The following PCDH15 variants were observed in gnomAD, a reference collection of about 807,000 sequenced individuals.
The protein encoded by PCDH15 is protocadherin-15.
Under a neutral mutation model 178.5 loss-of-function variants are expected in PCDH15, and 129 were observed. The observed-to-expected ratio is 0.72, with a 90% CI of 0.63 to 0.84. The LOEUF is 0.84. Among genes scored for constraint, PCDH15 ranks in the 40% least tolerant of loss-of-function variants. PCDH15 has a pLI of 0.00. For synonymous variants in PCDH15, 800 were observed against 732.0 expected, an observed-to-expected ratio of 1.09 and a Z score of -1.50; for missense variants, 2,230 against 2,099.9, an observed-to-expected ratio of 1.06 and a Z score of -1.21.
chr10:54,027,893 T>C (rs1304519235), intron 18 of PCDH15, among the ~76,000 whole-genome samples: 2 of 149,258 alleles, frequency 1.3e-5, no homozygotes, highest in Admixed American at 6.7e-5. Flanking sequence ...AAGGACTTCA[T>C]GTCTAAAACA....
At chr10:54,619,823 T>C (rs1590593742) in intron 2 of PCDH15, among the ~76,000 whole-genome samples, 2 of 152,162 alleles carry the variant, frequency 1.3e-5, no homozygotes, top group South Asian at 2.1e-4. Context: ...TCTTAATCTG[T>C]GTTCTAAATC....
At chr10:54,668,450 T>C (rs983182571) in intron 1 of PCDH15, among the ~76,000 whole-genome samples, 3 of 152,122 alleles carry the variant, frequency 2.0e-5, no homozygotes, top group African/African-American at 7.2e-5. Flanking sequence ...ACAATGAAAG[T>C]ATAACTATTC....
At chr10:54,355,443 AT>A (rs1442923398) in intron 5 of PCDH15, among the ~76,000 whole-genome samples, 2 of 152,034 alleles carry the variant, frequency 1.3e-5, no homozygotes, top group African/African-American at 4.8e-5. Flanking sequence ...CAAATAATAT[AT>A]GGCACAGTGT....
intron 1 of PCDH15, among the ~76,000 whole-genome samples, chr10:55,171,531 TA>T (rs1242207902): frequency 6.6e-6 from 1 of 152,076 alleles, no homozygotes; most frequent in East Asian, 1.9e-4. Flanking sequence ...TGGAGGGGAT[TA>T]AAATTAAAAA....
chr10:55,386,898 T>C (rs557874987), intron 2 of PCDH15, among the ~76,000 whole-genome samples: 30 of 152,100 alleles, frequency 2.0e-4, no homozygotes, highest in African/African-American at 6.5e-4. Flanking sequence ...CAAATTAACG[T>C]ACAAATCAGT....
intron 26 of PCDH15, among the ~76,000 whole-genome samples, chr10:53,867,558 C>T (rs181490754): frequency 3.8e-4 from 58 of 152,174 alleles, no homozygotes; most frequent in African/African-American, 1.3e-3. Context: ...GACATAGACA[C>T]TAACAGAGTC....
intron 2 of PCDH15, among the ~76,000 whole-genome samples, chr10:55,030,261 A>G (rs1840576882): frequency 6.6e-6 from 1 of 152,190 alleles, no homozygotes; most frequent in South Asian, 2.1e-4. Flanking sequence ...AGCAGCCATT[A>G]TCATCATGTG....
chr10:53,894,922 A>C (rs1335692776), intron 26 of PCDH15, among the ~76,000 whole-genome samples: 1 of 152,168 alleles, frequency 6.6e-6, no homozygotes, highest in Non-Finnish European at 1.5e-5. Context: ...CTTCCACTGG[A>C]AACGTGGTTG....
At chr10:55,084,672 C>A (rs575689306) in intron 2 of PCDH15, among the ~76,000 whole-genome samples, 1 of 151,866 alleles carries the variant, frequency 6.6e-6, no homozygotes, top group South Asian at 2.1e-4. Flanking sequence ...TGCTAACTAT[C>A]CATCTAACAA....
intron 2 of PCDH15, among the ~76,000 whole-genome samples, chr10:54,973,555 G>A (rs1242899169): frequency 6.6e-6 from 1 of 152,126 alleles, no homozygotes; most frequent in African/African-American, 2.4e-5. Context: ...ATGCCTGCTT[G>A]CAGTAGTTTC....
At chr10:54,171,455 G>A (rs1001868244) in intron 13 of PCDH15, among the ~76,000 whole-genome samples, 1 of 152,082 alleles carries the variant, frequency 6.6e-6, no homozygotes, top group Non-Finnish European at 1.5e-5. Flanking sequence ...CCAGACACCA[G>A]AGCAACTTAA....
At chr10:55,532,358 T>C (rs1841473433) in intron 2 of PCDH15, among the ~76,000 whole-genome samples, 1 of 152,052 alleles carries the variant, frequency 6.6e-6, no homozygotes, top group Admixed American at 6.6e-5. Flanking sequence ...CAATCTTTTC[T>C]GCTTTTTTTC....
intron 10 of PCDH15, among the ~76,000 whole-genome samples, chr10:54,200,391 A>G (rs1022173210): frequency 3.3e-5 from 5 of 150,272 alleles, no homozygotes; most frequent in African/African-American, 7.4e-5. Context: ...AGTCATCTAC[A>G]TTAGGTATTT....
intron 2 of PCDH15, among the ~76,000 whole-genome samples, chr10:54,573,279 CTTTA>C (rs1377551497): frequency 1.3e-5 from 2 of 152,032 alleles, no homozygotes; most frequent in South Asian, 2.1e-4. Flanking sequence ...CTTGTTTCTC[CTTTA>C]TTTTTCTTGA....
intron 21 of PCDH15, among the ~76,000 whole-genome samples, chr10:53,988,199 C>T (rs2091236721): frequency 6.6e-6 from 1 of 152,118 alleles, no homozygotes; most frequent in African/African-American, 2.4e-5. Flanking sequence ...TGTGTGAAGG[C>T]AACCTTAGCC....
chr10:55,066,816 T>C (rs999327493), intron 2 of PCDH15, among the ~76,000 whole-genome samples: 2 of 151,390 alleles, frequency 1.3e-5, no homozygotes, highest in Non-Finnish European at 3.0e-5. Flanking sequence ...AATTTCTAGT[T>C]TTATTTGTGA....
rs576848879 is a variant in PCDH15, at chr10:55,423,033, A to T, written c.-156+204592T>A. On this transcript the variant is annotated intron_variant, in intron 2 of 5. Coordinates refer to the PCDH15 transcript ENST00000613346. ...ATAAATTACTAAAAATAAGGACTAT[A>T]GAAGTTATCATGTATCTTATTTATA... Among the ~76,000 whole-genome samples the T allele has an allele frequency of 1.6e-3, 240 of 152,064 alleles. 1 individual carries two copies. Among genetic ancestry groups the T allele is most frequent in the African/African-American group, 5.5e-3 (229 of 41,566 alleles).
rs569167153 is a variant in PCDH15 at position 54,527,629 on chromosome 10, T to G, written c.157+183A>C. 4.3e-4 allele frequency among the ~76,000 whole-genome samples: 65 copies of G among 152,224 alleles called. No individual in the cohort carries two copies. The South Asian group carries it at 7.7e-3, about 18-fold the overall frequency. On this transcript the variant is annotated intron_variant, in intron 3 of 37. Transcript: ENST00000644397. ...ATTAATTGAATGAGACTTTTATAAA[T>G]TATTCCAAGTAAAGCATGAATTTCC...
At chr10:54,732,844 G>A in intron 1 of PCDH15, among the ~76,000 whole-genome samples, 1 of 151,444 alleles carries the variant, frequency 6.6e-6, no homozygotes, top group East Asian at 1.9e-4. Context: ...TCACAGTCAG[G>A]TGGAGCAGAT....
Sources: gnomAD v4.1 joint callset for allele counts (sites outside exome capture counted in the v4.1 genomes callset) on GRCh38, gnomAD v4.1.1 for gene constraint, MANE v1.5 for transcripts, NCBI Gene and HGNC (gene_info 2026-07-23, HGNC 2026-07-21) for gene names.